The following CNIH2 variants were observed in gnomAD, a reference collection of about 807,000 sequenced individuals.
CNIH2 encodes protein cornichon homolog 2.
In CNIH2, 8 loss-of-function variants were observed where a neutral mutation model predicts 22.9. The ratio of observed to expected loss-of-function variants is 0.35; its 90% CI spans 0.20 to 0.63. The LOEUF (loss-of-function observed/expected upper bound fraction) is 0.63. Among genes scored for constraint, CNIH2 ranks in the 30% least tolerant of loss-of-function variants. The pLI is 0.72. For synonymous variants in CNIH2, 74 were observed against 78.2 expected, an observed-to-expected ratio of 0.95 and a Z score of 0.28; for missense variants, 105 against 206.2, an observed-to-expected ratio of 0.51 and a Z score of 3.01.
chr11:66,282,429 G>GGGGGGGGGGGGCCC, intron 2 of CNIH2, 102 bp downstream of exon 2: 1 of 479,462 alleles, frequency 2.1e-6, no homozygotes, highest in East Asian at 5.8e-5. Context: ...GGGGTGGGGG[G>GGGGGGGGGGGGCCC]CCTACGGCCA....
chr11:66,282,392 G>C, intron 2 of CNIH2, 65 bp downstream of exon 2: 16 of 1,436,682 alleles, frequency 1.1e-5, no homozygotes, highest in Non-Finnish European at 1.5e-5. Flanking sequence ...GTCGTGGGCT[G>C]GGGGTGGGAG....
Position 66,281,639 on chromosome 11 carries a change from C to A in CNIH2, c.82-620C>A, listed in dbSNP as rs371299337. The A allele has an allele frequency of 1.5e-4, 54 of 365,366 alleles. No individual in the cohort carries two copies. The East Asian group carries it at 3.5e-3, about 24-fold the overall frequency. 22.6% of individuals were successfully genotyped at this position (365,366 alleles called of 1,614,324 possible). On this transcript the variant is annotated intron_variant, in intron 1 of 5. Transcript: ENST00000311445. ...TGTCTGGCTCTGCTGAATTCTCCAG[C>A]TCCTCTTCCACCACTCTCTCTTTTC...
At chr11:66,282,814 G>C in intron 3 of CNIH2, 34 bp downstream of exon 3, 1 of 1,592,296 alleles carries the variant, frequency 6.3e-7, no homozygotes, top group East Asian at 2.3e-5. Flanking sequence ...GAGGCTCCTA[G>C]CCCAGCGCTG....
Position 66,278,519 on chromosome 11 carries a change from C to T in CNIH2, c.63C>T (p.Ile21=), listed in dbSNP as rs143558098. 8.0e-5 allele frequency: 120 copies of T among 1,501,112 alleles called. No homozygotes were observed. The highest frequency in any genetic ancestry group is 5.0e-4 in the Middle Eastern group (2 of 4,008). The allele number at this position is 1,501,112 out of a possible 1,614,324, so 93.0% of individuals were successfully genotyped here. ...MLTLVLCASL[I]FFVIWHIIAF... ...CCCTGGTGCTGTGCGCCTCCCTCAT[C>T]TTCTTTGTCATCTGGCACGTAAGGC... The change falls in exon 1 of 6, where the codon ATC becomes ATT. Residue 21 remains isoleucine, a synonymous_variant. Transcript: ENST00000311445.
intron 1 of CNIH2, among the ~76,000 whole-genome samples, chr11:66,279,476 CTG>C (rs932855310): frequency 1.5e-4 from 20 of 134,866 alleles, no homozygotes; most frequent in Non-Finnish European, 3.0e-4. Context: ...GTGCCTGTTT[CTG>C]TAACAGCCTG....
At chr11:66,278,923 C>A (rs1314986654) in intron 1 of CNIH2, among the ~76,000 whole-genome samples, 5 of 104,210 alleles carry the variant, frequency 4.8e-5, no homozygotes, top group South Asian at 4.3e-4. Context: ...CTGCCCCCCC[C>A]CCCCCGCCTT....
At chr11:66,282,906 G>T in intron 3 of CNIH2, 126 bp downstream of exon 3, 1 of 1,380,468 alleles carries the variant, frequency 7.2e-7, no homozygotes, top group Non-Finnish European at 1.0e-6. Context: ...GGAGTGGGAA[G>T]CCAGAGGCCT....
intron 1 of CNIH2, among the ~76,000 whole-genome samples, chr11:66,279,708 G>A (rs1289101323): frequency 6.6e-6 from 1 of 151,798 alleles, no homozygotes; most frequent in East Asian, 1.9e-4. Flanking sequence ...CTGCTCCATG[G>A]TTCCCCCTGC....
chr11:66,282,643 G>GC (rs1168556319), intron 2 of CNIH2, 90 bp from the exon 3 acceptor site: 8 of 1,456,894 alleles, frequency 5.5e-6, no homozygotes, highest in Non-Finnish European at 7.6e-6. Flanking sequence ...TCGCTCTGGC[G>GC]CCCCCTGGCG....
Position 66,283,893 on chromosome 11 carries a change from G to T in CNIH2, c.*296G>T. ...CAGGACCTCCGGCCTTGTCCATTTC[G>T]GGGGAAACTTGGGCCCTGCCAAGGG... On this transcript the variant is annotated 3_prime_UTR_variant, in exon 6 of 6. Transcript: ENST00000311445. 2.6e-6 allele frequency: 1 copy of T among 385,486 alleles called. No individual in the cohort carries two copies. The highest frequency in any genetic ancestry group is 4.6e-5 in the East Asian group (1 of 21,538). The allele number at this position is 385,486 out of a possible 1,614,324, so 23.9% of individuals were successfully genotyped here.
Position 66,283,118 on chromosome 11 carries a change from C to T in CNIH2, c.282C>T (p.Asn94=), listed in dbSNP as rs144316476. Residue 94 remains asparagine (N), a synonymous_variant, in exon 4 of 6, where the codon AAC becomes AAT. Transcript: ENST00000311445. The part of the protein sequence containing the change: ...CAAEWVTLGL[N]IPLLFYHLWR... ...CAGAGTGGGTGACCCTGGGCCTCAA[C>T]ATCCCCCTCCTCTTCTACCACCTCT... The T allele has an allele frequency of 5.6e-6, 9 of 1,613,872 alleles. No individual in the cohort carries two copies. The highest frequency in any genetic ancestry group is 5.0e-5 in the Admixed American group (3 of 60,004).
chr11:66,282,705 C>T (rs372976513), intron 2 of CNIH2, 28 bp from the exon 3 acceptor site: 2 of 1,613,358 alleles, frequency 1.2e-6, no homozygotes, highest in African/African-American at 2.7e-5. Context: ...TCCGCCACCC[C>T]ATCGCGGCCT....
intron 2 of CNIH2, 116 bp from the exon 3 acceptor site, chr11:66,282,617 G>A (rs1003045695): frequency 3.9e-6 from 5 of 1,268,286 alleles, no homozygotes; most frequent in Non-Finnish European, 3.3e-6. Flanking sequence ...CGGCCGTGCC[G>A]ACAGTGCCGC....
Position 66,283,622 on chromosome 11 carries a change from C to A in CNIH2, c.*25C>A. 6.4e-7 allele frequency: 1 copy of A among 1,560,872 alleles called. No homozygotes were observed. Among genetic ancestry groups the A allele is most frequent in the Non-Finnish European group, 8.7e-7 (1 of 1,151,974 alleles). On this transcript the variant is annotated 3_prime_UTR_variant, in exon 6 of 6. Coordinates refer to ENST00000311445, the MANE Select transcript of CNIH2 (RefSeq NM_182553.3). ...AGGGGGAAGCCGGCCAGGGAGCGAG[C>A]CCAGAACGGACCGGACGCCTGTGCA...
At chr11:66,280,583 A>G (rs916717879) in intron 1 of CNIH2, among the ~76,000 whole-genome samples, 3 of 152,092 alleles carry the variant, frequency 2.0e-5, no homozygotes, top group Admixed American at 6.5e-5. Flanking sequence ...AGCTGTCACC[A>G]TGGGGGATTG....
chr11:66,281,294 G>T (rs1330444507), intron 1 of CNIH2: 1 of 443,056 alleles, frequency 2.3e-6, no homozygotes, highest in Non-Finnish European at 4.6e-6. Flanking sequence ...CAGCCGTGTG[G>T]CCCTGGACAA....
intron 1 of CNIH2, 97 bp from the exon 2 acceptor site, chr11:66,282,162 C>T (rs919250406): frequency 9.2e-7 from 1 of 1,089,104 alleles, no homozygotes; most frequent in African/African-American, 1.5e-5. Context: ...CAAGCTCCAC[C>T]TGGCTGGTCC....
intron 1 of CNIH2, chr11:66,281,575 G>GT (rs1263840205): frequency 1.4e-5 from 6 of 435,488 alleles, no homozygotes; most frequent in African/African-American, 8.1e-5. Flanking sequence ...TTGTGTTAAA[G>GT]TAAGTCCAAA....
Position 66,278,338 on chromosome 11 carries a change from C to T in CNIH2, c.-119C>T, listed in dbSNP as rs1277871251. The T allele has an allele frequency of 4.2e-6, 1 of 236,470 alleles. No homozygotes were observed. The highest frequency in any genetic ancestry group is 6.8e-6 in the Non-Finnish European group (1 of 147,362). 14.6% of individuals were successfully genotyped at this position (236,470 alleles called of 1,614,324 possible). A position where few individuals can be genotyped will look rare whatever the true frequency, so the allele number is the denominator to read the frequency against. On this transcript the variant is annotated 5_prime_UTR_variant, in exon 1 of 6. Transcript: ENST00000311445. ...GCGGTCCCGGTCCCGGCCGCATCAC[C>T]CACGTCCCCCGAGCCCCACGGGCCA...
Sources: gnomAD v4.1 joint callset for allele counts (sites outside exome capture counted in the v4.1 genomes callset) on GRCh38, gnomAD v4.1.1 for gene constraint, MANE v1.5 for transcripts, NCBI Gene and HGNC (gene_info 2026-07-23, HGNC 2026-07-21) for gene names.